Variants in OPRM1 observed in about 807,000 individuals in gnomAD.
OPRM1 encodes the protein opioid receptor mu 1, also known as mu-type opioid receptor.
In OPRM1, 27 loss-of-function variants were observed where a neutral mutation model predicts 31.8. The observed-to-expected ratio is 0.85, with a 90% confidence interval of 0.63 to 1.17. The LOEUF is 1.17. Among genes scored for constraint, OPRM1 ranks in the 50% most tolerant of loss-of-function variants. The pLI, the probability that OPRM1 is intolerant of heterozygous loss-of-function variation, is 0.00. For missense variants in OPRM1, 536 were observed against 511.1 expected, an observed-to-expected ratio of 1.05 and a Z score of -0.47; for synonymous variants, 196 against 189.9, an observed-to-expected ratio of 1.03 and a Z score of -0.26.
At chr6:154,180,235 C>T (rs1204623627) in intron 3 of OPRM1, among the ~76,000 whole-genome samples, 1 of 151,950 alleles carries the variant, frequency 6.6e-6, no homozygotes, top group Non-Finnish European at 1.5e-5. Context: ...GGGTTAATGT[C>T]AGTGACCCTT....
intron 1 of OPRM1, among the ~76,000 whole-genome samples, chr6:154,041,582 A>T (rs892654959): frequency 2.0e-5 from 3 of 152,176 alleles, no homozygotes; most frequent in Non-Finnish European, 4.4e-5. Flanking sequence ...TTTCTCTAAG[A>T]ACAGATAGTT....
chr6:154,172,024 TTC>T (rs1323278933), intron 3 of OPRM1, among the ~76,000 whole-genome samples: 2 of 152,234 alleles, frequency 1.3e-5, no homozygotes, highest in Non-Finnish European at 2.9e-5. Flanking sequence ...TTCTTTACAT[TTC>T]TCTGTGTTCA....
chr6:154,101,867 A>T (rs1481837649), intron 3 of OPRM1, among the ~76,000 whole-genome samples: 2 of 152,214 alleles, frequency 1.3e-5, no homozygotes, highest in East Asian at 1.9e-4. Context: ...TAATTTTAAA[A>T]TTTTCATCAG....
intron 3 of OPRM1, among the ~76,000 whole-genome samples, chr6:154,240,103 C>T (rs902586519): frequency 3.9e-5 from 6 of 152,164 alleles, no homozygotes; most frequent in African/African-American, 7.2e-5. Context: ...ATTAAAAGCC[C>T]ATAATTCTCA....
intron 1 of OPRM1, chr6:154,083,632 G>A (rs1344350003): frequency 1.3e-5 from 2 of 152,314 alleles, no homozygotes; most frequent in Non-Finnish European, 2.9e-5. Flanking sequence ...GAGAGAAAGG[G>A]TGACATGCTA....
intron 1 of OPRM1, among the ~76,000 whole-genome samples, chr6:154,014,150 G>C (rs970237666): frequency 6.6e-6 from 1 of 152,164 alleles, no homozygotes; most frequent in Admixed American, 6.5e-5. Context: ...AAATAAGTGA[G>C]CTACAGAAAT....
intron 1 of OPRM1, among the ~76,000 whole-genome samples, chr6:154,066,863 G>A (rs1785522733): frequency 6.6e-6 from 1 of 152,052 alleles, no homozygotes; most frequent in Non-Finnish European, 1.5e-5. Flanking sequence ...TCAATGTATG[G>A]TATTTTATTG....
In OPRM1 at chr6:154,118,871, G is replaced by A. The variant is rs200958777; in HGVS notation, c.*150G>A. ...AACCTCTTTCCTCTCTGGCCACTCT[G>A]CTCTGCACATTAGAGGGACAGCCAA... On this transcript the variant is annotated 3_prime_UTR_variant, in exon 4 of 4. Transcript: ENST00000330432. The A allele has an allele frequency of 1.1e-5, 17 of 1,481,138 alleles. No individual in the cohort carries two copies. The highest frequency in any genetic ancestry group is 1.3e-5 in the Non-Finnish European group (15 of 1,124,082). The allele number at this position is 1,481,138 out of a possible 1,614,324, so 91.7% of individuals were successfully genotyped here. A position where few individuals can be genotyped will look rare whatever the true frequency, so the allele number is the denominator to read the frequency against.
rs138285423 is a variant in OPRM1 at position 154,149,905 on chromosome 6, C to T, written c.1164+58433C>T. 8.6e-3 allele frequency among the ~76,000 whole-genome samples: 1,315 copies of T among 152,286 alleles called. 9 individuals carry two copies. The highest frequency in any genetic ancestry group is 0.031 in the Middle Eastern group (9 of 294). Reference sequence around the variant, plus strand: ...TCTAGATAGTTATTTTCCCTCACAGCGTCTCCTACTGACAGCTCCCACCTC... The same window carrying T: ...TCTAGATAGTTATTTTCCCTCACAGTGTCTCCTACTGACAGCTCCCACCTC... On this transcript the variant is annotated intron_variant, in intron 3 of 3. Coordinates refer to the OPRM1 transcript ENST00000337049.
chr6:154,204,015 T>C (rs1777283155), intron 3 of OPRM1, among the ~76,000 whole-genome samples: 1 of 152,208 alleles, frequency 6.6e-6, no homozygotes. Context: ...AGTTAGTGAT[T>C]AATAATTGTA....
At chr6:154,208,756 T>C (rs566791362) in intron 3 of OPRM1, among the ~76,000 whole-genome samples, 1 of 152,366 alleles carries the variant, frequency 6.6e-6, no homozygotes, top group East Asian at 1.9e-4. Context: ...TTGTAGCTTA[T>C]AAAATTATCA....
chr6:154,215,371 A>G (rs1778308295), intron 3 of OPRM1, among the ~76,000 whole-genome samples: 2 of 152,170 alleles, frequency 1.3e-5, no homozygotes, highest in South Asian at 4.1e-4. Flanking sequence ...CAGGAGGCCA[A>G]GGCAGGTGGA....
chr6:154,071,965 G>A (rs1397937427), intron 1 of OPRM1, among the ~76,000 whole-genome samples: 4 of 152,166 alleles, frequency 2.6e-5, no homozygotes, highest in Non-Finnish European at 4.4e-5. Flanking sequence ...ATGGAATTTT[G>A]TTCCACAGAG....
chr6:154,139,268 T>C (rs1798138790), intron 3 of OPRM1, among the ~76,000 whole-genome samples: 2 of 152,358 alleles, frequency 1.3e-5, no homozygotes, highest in Admixed American at 6.5e-5. Flanking sequence ...GGATGATTCC[T>C]GACTTGTGTC....
intron 3 of OPRM1, among the ~76,000 whole-genome samples, chr6:154,241,210 T>C (rs1307020395): frequency 8.3e-6 from 1 of 120,002 alleles, no homozygotes; most frequent in African/African-American, 3.4e-5. Context: ...CACTTCAGCC[T>C]AGCAACAAAG....
At position 154,043,061 on chromosome 6, in the gene OPRM1, T is replaced by TTGGG. The variant is rs143060226; in HGVS notation, c.290+3228_290+3231dup. Among the ~76,000 whole-genome samples the TTGGG allele has an allele frequency of 3.1e-3, 478 of 152,310 alleles. 2 individuals are homozygous for TTGGG. Among genetic ancestry groups the TTGGG allele is most frequent in the African/African-American group, 0.011 (465 of 41,578 alleles). ...TAATATAATCCCAGATGTGTTTATG[T>TTGGG]TGGGAAATTCTTTTTCCAAGGTTTG... On this transcript the variant is annotated intron_variant, in intron 1 of 3. Transcript: ENST00000330432.
chr6:154,072,139 T>A (rs1004942683), intron 1 of OPRM1, among the ~76,000 whole-genome samples: 6 of 152,162 alleles, frequency 3.9e-5, no homozygotes, highest in Non-Finnish European at 8.8e-5. Context: ...AATGGTAAGA[T>A]AACAAGAGCT....
At chr6:154,015,062 C>T (rs988656390) in intron 1 of OPRM1, among the ~76,000 whole-genome samples, 7 of 152,072 alleles carry the variant, frequency 4.6e-5, no homozygotes, top group Non-Finnish European at 2.9e-5. Context: ...AAAGATATGC[C>T]ATTACTTAGG....
chr6:154,231,563 C>T (rs559670670), intron 3 of OPRM1, among the ~76,000 whole-genome samples: 4 of 152,178 alleles, frequency 2.6e-5, no homozygotes, highest in African/African-American at 7.2e-5. Flanking sequence ...CGCCATACAA[C>T]GCGTAGAGCA....
Sources: allele counts gnomAD v4.1 joint callset (sites outside exome capture counted in the v4.1 genomes callset), GRCh38; gene constraint gnomAD v4.1.1; transcripts MANE v1.5; gene names NCBI Gene and HGNC (gene_info 2026-07-23, HGNC 2026-07-21).